Variants in CAMK4 observed in about 807,000 individuals in gnomAD.
The protein encoded by CAMK4 is calcium/calmodulin dependent protein kinase IV.
Under a neutral mutation model 44.9 loss-of-function variants are expected in CAMK4, and 22 were observed. The observed-to-expected ratio is 0.49, with a 90% CI of 0.35 to 0.70. CAMK4 has a LOEUF of 0.70. Ranked by LOEUF, CAMK4 falls within the 30% of genes least tolerant of loss-of-function variation. The pLI is 0.01. For synonymous variants in CAMK4, 218 were observed against 215.4 expected (o/e 1.01, Z -0.11); for missense variants, 498 against 586.8 (o/e 0.85, Z 1.56).
chr5:111,266,803 G>C (rs78869281), intron 1 of CAMK4, among the ~76,000 whole-genome samples: 28,632 of 152,166 alleles, frequency 0.19, 2,761 homozygotes, highest in South Asian at 0.31. Context: ...TAAATCTATT[G>C]GTTGTGTTTC....
At chr5:111,278,280 G>GT (rs1193988018) in intron 1 of CAMK4, among the ~76,000 whole-genome samples, 2 of 152,134 alleles carry the variant, frequency 1.3e-5, no homozygotes, top group Admixed American at 1.3e-4. Flanking sequence ...CTACCTTTGT[G>GT]TTGGAAATGG....
intron 5 of CAMK4, among the ~76,000 whole-genome samples, chr5:111,438,353 C>T (rs187003154): frequency 1.1e-3 from 174 of 152,194 alleles, no homozygotes; most frequent in Non-Finnish European, 1.3e-3. Flanking sequence ...AATGTAATTA[C>T]GTAGTATGTT....
intron 5 of CAMK4, among the ~76,000 whole-genome samples, chr5:111,431,452 A>G (rs750559360): frequency 8.5e-5 from 13 of 152,182 alleles, no homozygotes; most frequent in Non-Finnish European, 1.8e-4. Flanking sequence ...TGGTCTGGGC[A>G]AAGACTTTTT....
intron 1 of CAMK4, among the ~76,000 whole-genome samples, chr5:111,299,815 A>C (rs1747644002): frequency 6.6e-6 from 1 of 151,960 alleles, no homozygotes; most frequent in African/African-American, 2.4e-5. Context: ...ATTTCCTCCC[A>C]TTTCTGTGTT....
At chr5:111,483,132 AAT>A (rs1374081129) in intron 10 of CAMK4, among the ~76,000 whole-genome samples, 195 bp downstream of exon 10, 5 of 152,202 alleles carry the variant, frequency 3.3e-5, no homozygotes, top group Non-Finnish European at 7.3e-5. Flanking sequence ...TCTCATAAGG[AAT>A]ATATGATTAA....
At chr5:111,436,292 T>C (rs1753643358) in intron 5 of CAMK4, among the ~76,000 whole-genome samples, 1 of 152,124 alleles carries the variant, frequency 6.6e-6, no homozygotes. Context: ...GGAAAATAAA[T>C]TTCTAATCCA....
At chr5:111,245,817 G>C (rs1749207590) in intron 1 of CAMK4, among the ~76,000 whole-genome samples, 1 of 152,216 alleles carries the variant, frequency 6.6e-6, no homozygotes, top group Non-Finnish European at 1.5e-5. Context: ...CAAAACTGTT[G>C]GGTGTGTACG....
At chr5:111,385,948 C>T (rs1458657272) in intron 4 of CAMK4, among the ~76,000 whole-genome samples, 1 of 152,098 alleles carries the variant, frequency 6.6e-6, no homozygotes, top group Non-Finnish European at 1.5e-5. Flanking sequence ...CTTTTAGGCC[C>T]ATTCCCAGAT....
At chr5:111,421,027 T>G (rs1371177393) in intron 5 of CAMK4, among the ~76,000 whole-genome samples, 1 of 152,226 alleles carries the variant, frequency 6.6e-6, no homozygotes, top group East Asian at 1.9e-4. Flanking sequence ...GGGGAAGTGA[T>G]AAGTGTCCAT....
intron 2 of CAMK4, among the ~76,000 whole-genome samples, chr5:111,351,686 A>G (rs1750113886): frequency 6.6e-6 from 1 of 151,902 alleles, no homozygotes; most frequent in Admixed American, 6.6e-5. Flanking sequence ...TGCTGGGATT[A>G]TAGGCGTGAG....
At chr5:111,454,956 A>G (rs1024147954) in intron 7 of CAMK4, among the ~76,000 whole-genome samples, 13 of 152,130 alleles carry the variant, frequency 8.5e-5, no homozygotes, top group African/African-American at 3.1e-4. Flanking sequence ...TTCAAATTCT[A>G]TTTTCAGAGT....
chr5:111,468,375 A>G (rs540710973), intron 7 of CAMK4, among the ~76,000 whole-genome samples: 6 of 152,190 alleles, frequency 3.9e-5, no homozygotes, highest in African/African-American at 1.2e-4. Context: ...ATTTTCTTCT[A>G]TTTTGTTTGT....
chr5:111,407,775 A>G (rs1337768146), intron 5 of CAMK4, among the ~76,000 whole-genome samples: 5 of 152,074 alleles, frequency 3.3e-5, no homozygotes, highest in Non-Finnish European at 7.3e-5. Flanking sequence ...AGATATATAG[A>G]TATAGTTTAT....
chr5:111,384,124 T>G (rs929781752), intron 4 of CAMK4, among the ~76,000 whole-genome samples: 1 of 152,118 alleles, frequency 6.6e-6, no homozygotes, highest in Non-Finnish European at 1.5e-5. Context: ...ATAGGGCACT[T>G]GAAGAAGGAA....
chr5:111,248,583 C>A (rs1456310770), intron 1 of CAMK4, among the ~76,000 whole-genome samples: 1 of 150,232 alleles, frequency 6.7e-6, no homozygotes, highest in Non-Finnish European at 1.5e-5. Flanking sequence ...TTTTGTTTTA[C>A]TGTTTTCTCA....
rs1748113748 is a variant in CAMK4, at chr5:111,224,917, G to C, written c.161+273G>C. Among the ~76,000 whole-genome samples the C allele has an allele frequency of 6.7e-6, 1 of 150,066 alleles. No homozygotes were observed. Among genetic ancestry groups the C allele is most frequent in the African/African-American group, 2.4e-5 (1 of 40,940 alleles). On this transcript the variant is annotated intron_variant, in intron 1 of 10. Coordinates refer to ENST00000282356, the MANE Select transcript of CAMK4 (RefSeq NM_001744.6). This position sits in a 1 kb window ranked among gnomAD's most constrained non-coding sequence, Gnocchi z 5.7. ...AGGCTGCCACTTCCCTTGGGTGACAGCTCCCACCGCACGTGGGCCCTGCTT... is the reference window on the plus strand; with the variant it reads ...AGGCTGCCACTTCCCTTGGGTGACACCTCCCACCGCACGTGGGCCCTGCTT...
chr5:111,401,043 A>G (rs1371736098), intron 5 of CAMK4, among the ~76,000 whole-genome samples: 2 of 152,164 alleles, frequency 1.3e-5, no homozygotes, highest in Non-Finnish European at 2.9e-5. Flanking sequence ...TTCTAGCTAC[A>G]GTTCTCTTTT....
chr5:111,333,707 C>T (rs1338215542), intron 1 of CAMK4, among the ~76,000 whole-genome samples: 1 of 151,580 alleles, frequency 6.6e-6, no homozygotes, highest in Non-Finnish European at 1.5e-5. Context: ...TGTTAGGCAA[C>T]AACTTAAGGA....
rs142771242 is a variant in CAMK4, at chr5:111,391,424, T to C, written c.387-3286T>C. Among the ~76,000 whole-genome samples the C allele has an allele frequency of 1.3e-4, 20 of 152,136 alleles. No homozygotes were observed. The East Asian group carries it at 3.9e-3, about 29-fold the overall frequency. ...TGATTTAGTTCCAATAGAGAATGAT[T>C]ATGGGACGTGGATGGAGCTGGAGGT... is the stretch of plus-strand genomic sequence containing the variant. On this transcript the variant is annotated intron_variant, in intron 4 of 10. Coordinates refer to ENST00000282356, the MANE Select transcript of CAMK4 (RefSeq NM_001744.6).
Sources: gnomAD v4.1 joint callset for allele counts (sites outside exome capture counted in the v4.1 genomes callset) on GRCh38, gnomAD v4.1.1 for gene constraint, Gnocchi (gnomAD v3.1) non-coding constraint, MANE v1.5 for transcripts, NCBI Gene and HGNC (gene_info 2026-07-23, HGNC 2026-07-21) for gene names.